The following SYNPR variants were observed in gnomAD, a reference collection of about 807,000 sequenced individuals.
The protein encoded by SYNPR is synaptoporin.
A neutral mutation model predicts 32.9 loss-of-function variants in SYNPR; 23 were observed. The observed-to-expected ratio is 0.70, with a 90% CI of 0.50 to 0.99. SYNPR has a LOEUF of 0.99. Ranked by LOEUF, SYNPR falls within the 50% of genes least tolerant of loss-of-function variation. The pLI, the probability that SYNPR is intolerant of heterozygous loss-of-function variation, is 0.00. For missense variants in SYNPR, 318 were observed against 349.3 expected (o/e 0.91, Z 0.71); for synonymous variants, 146 against 135.9 (o/e 1.07, Z -0.52).
intron 4 of SYNPR, among the ~76,000 whole-genome samples, chr3:63,563,509 GCT>G (rs890267712): frequency 6.6e-6 from 1 of 152,004 alleles, no homozygotes; most frequent in Non-Finnish European, 1.5e-5. Flanking sequence ...CTGAGAAAGT[GCT>G]CTCTCTTCTC....
intron 2 of SYNPR, among the ~76,000 whole-genome samples, chr3:63,335,136 C>A (rs927404262): frequency 6.6e-6 from 1 of 152,106 alleles, no homozygotes; most frequent in Non-Finnish European, 1.5e-5. Context: ...GGGTGGATCA[C>A]AAGGTCGGGA....
chr3:63,399,347 T>C (rs12638347), intron 2 of SYNPR, among the ~76,000 whole-genome samples: 17,391 of 152,240 alleles, frequency 0.11, 1,443 homozygotes, highest in East Asian at 0.44. Context: ...GCCTGTATTC[T>C]TGATGGACAT....
intron 3 of SYNPR, among the ~76,000 whole-genome samples, chr3:63,491,942 T>C (rs1701264574): frequency 6.6e-6 from 1 of 152,056 alleles, no homozygotes; most frequent in Non-Finnish European, 1.5e-5. Context: ...TTCAAAAATG[T>C]ATTGACTCCT....
chr3:63,260,289 C>T (rs1479867161), intron 2 of SYNPR, among the ~76,000 whole-genome samples: 1 of 152,178 alleles, frequency 6.6e-6, no homozygotes, highest in African/African-American at 2.4e-5. Flanking sequence ...AAGAACAAAG[C>T]TGGAGGCATC....
chr3:63,231,984 T>A (rs2086169871), intron 1 of SYNPR, among the ~76,000 whole-genome samples: 1 of 152,064 alleles, frequency 6.6e-6, no homozygotes, highest in Admixed American at 6.5e-5. Context: ...AAGCTATATT[T>A]CTACCATTAA....
At chr3:63,509,742 G>A (rs1253682899) in intron 3 of SYNPR, among the ~76,000 whole-genome samples, 1 of 151,994 alleles carries the variant, frequency 6.6e-6, no homozygotes, top group Non-Finnish European at 1.5e-5. Context: ...GACAATAAAG[G>A]TTATTATATT....
chr3:63,586,351 C>G (rs1703184623), intron 4 of SYNPR, among the ~76,000 whole-genome samples: 1 of 151,608 alleles, frequency 6.6e-6, no homozygotes, highest in African/African-American at 2.4e-5. Context: ...GAAAATTTTT[C>G]GTAATTGCCA....
At chr3:63,259,950 T>C (rs1223066388) in intron 2 of SYNPR, among the ~76,000 whole-genome samples, 1 of 152,196 alleles carries the variant, frequency 6.6e-6, no homozygotes, top group African/African-American at 2.4e-5. Flanking sequence ...AGCCAAATCA[T>C]GAGTGAACTC....
intron 3 of SYNPR, among the ~76,000 whole-genome samples, chr3:63,520,987 C>T (rs1701902901): frequency 6.6e-6 from 1 of 152,160 alleles, no homozygotes; most frequent in African/African-American, 2.4e-5. Flanking sequence ...AATCTCTAAA[C>T]ATTTTCAGTT....
At chr3:63,236,387 C>T (rs2086200864) in intron 1 of SYNPR, among the ~76,000 whole-genome samples, 1 of 151,964 alleles carries the variant, frequency 6.6e-6, no homozygotes, top group South Asian at 2.1e-4. Context: ...TATATATTAG[C>T]ATAAGTTTGT....
At chr3:63,210,354 G>A in the SYNPR span, among the ~76,000 whole-genome samples, 1 of 152,198 alleles carries the variant, frequency 6.6e-6, no homozygotes, top group African/African-American at 2.4e-5. Context: ...CTTCACTGGA[G>A]TTAGAACCAA....
rs989329335 is a variant in SYNPR at position 63,490,915 on chromosome 3, C to T, written c.209+9959C>T. Among the ~76,000 whole-genome samples, 2 of 152,168 alleles carry T rather than the reference C, an allele frequency of 1.3e-5. 1 individual carries two copies. Among genetic ancestry groups the T allele is most frequent in the Non-Finnish European group, 2.9e-5 (2 of 68,002 alleles). ...AGTAGCTGAGATTACAGGCAGCCAC[C>T]ATCACACTAAGCTAATTTTTGTATT... On this transcript the variant is annotated intron_variant, in intron 3 of 5. Transcript: ENST00000478300.
intron 3 of SYNPR, among the ~76,000 whole-genome samples, chr3:63,545,824 A>G (rs1575703730): frequency 1.3e-5 from 2 of 152,210 alleles, no homozygotes; most frequent in East Asian, 1.9e-4. Context: ...TAATGATTAA[A>G]ATCAATTTGA....
At chr3:63,231,842 A>G (rs1007243133) in intron 1 of SYNPR, among the ~76,000 whole-genome samples, 1 of 152,250 alleles carries the variant, frequency 6.6e-6, no homozygotes, top group Admixed American at 6.5e-5. Context: ...TTTTCTTATC[A>G]AAGCCAAGCT....
At chr3:63,571,414 A>G (rs1240921530) in intron 4 of SYNPR, among the ~76,000 whole-genome samples, 1 of 152,166 alleles carries the variant, frequency 6.6e-6, no homozygotes, top group Non-Finnish European at 1.5e-5. Flanking sequence ...TCAAATTTAT[A>G]AACTTCCAAA....
intron 2 of SYNPR, among the ~76,000 whole-genome samples, chr3:63,439,016 C>G (rs1226995084): frequency 3.3e-5 from 5 of 150,246 alleles, no homozygotes; most frequent in Non-Finnish European, 7.4e-5. Context: ...GCAGACAGGC[C>G]TGAAAGGACC....
intron 1 of SYNPR, among the ~76,000 whole-genome samples, chr3:63,229,728 A>C (rs182271398): frequency 1.3e-5 from 2 of 152,234 alleles, no homozygotes; most frequent in East Asian, 3.9e-4. Context: ...TTATTCACTC[A>C]ATACTTGTGT....
At chr3:63,491,553 C>T (rs1029067427) in intron 3 of SYNPR, among the ~76,000 whole-genome samples, 1 of 152,102 alleles carries the variant, frequency 6.6e-6, no homozygotes, top group Non-Finnish European at 1.5e-5. Flanking sequence ...GACAGTCTTG[C>T]TCTGTCACCC....
chr3:63,357,437 T>C (rs1365644970), intron 2 of SYNPR, among the ~76,000 whole-genome samples: 1 of 152,200 alleles, frequency 6.6e-6, no homozygotes, highest in African/African-American at 2.4e-5. Context: ...CATGAGTCTT[T>C]GGTTTCCCTC....
Sources: allele counts gnomAD v4.1 joint callset (sites outside exome capture counted in the v4.1 genomes callset), GRCh38; gene constraint gnomAD v4.1.1; transcripts MANE v1.5; gene names NCBI Gene and HGNC (gene_info 2026-07-23, HGNC 2026-07-21).